Variants in VAPA observed in about 807,000 individuals in gnomAD.
VAPA encodes the protein vesicle-associated membrane protein-associated protein A.
VAPA carries 6 observed loss-of-function variants against 25.6 expected under a neutral mutation model. That is an observed-to-expected ratio of 0.23 (90% confidence interval 0.13 to 0.46). The LOEUF is 0.46. VAPA is among the 20% of genes least tolerant of loss of function. The pLI, the probability that VAPA is intolerant of heterozygous loss-of-function variation, is 0.99. For synonymous variants in VAPA, 112 were observed against 106.2 expected (o/e 1.05, Z -0.34); for missense variants, 244 against 302.1 (o/e 0.81, Z 1.43).
At chr18:9,928,060 T>C (rs1304625502) in intron 1 of VAPA, among the ~76,000 whole-genome samples, 2 of 152,160 alleles carry the variant, frequency 1.3e-5, no homozygotes, top group East Asian at 3.8e-4. Context: ...AATATAAGTT[T>C]CTATCAATAC....
In VAPA at chr18:9,942,557, A is replaced by G. The variant is rs180784407; in HGVS notation, c.417+5491A>G. Among the ~76,000 whole-genome samples the G allele has an allele frequency of 1.5e-3, 233 of 152,292 alleles. 1 individual carries two copies. The highest frequency in any genetic ancestry group is 5.3e-3 in the African/African-American group (220 of 41,546). The stretch of plus-strand genomic sequence containing the variant: ...TCTGTTCTCACATTGCTATAAAGAA[A>G]TACCTGAGACTGGGTAATTTATAAA... On this transcript the variant is annotated intron_variant, in intron 4 of 5. Transcript: ENST00000400000.
chr18:9,935,141 T>C (rs554480288), intron 2 of VAPA, among the ~76,000 whole-genome samples: 2 of 151,356 alleles, frequency 1.3e-5, no homozygotes, highest in African/African-American at 2.4e-5. Context: ...TTATTGAGAC[T>C]GTAGAATAAA....
chr18:9,936,309 A>G, intron 3 of VAPA, 96 bp downstream of exon 3: 1 of 746,938 alleles, frequency 1.3e-6, no homozygotes, highest in Non-Finnish European at 2.0e-6. Flanking sequence ...AAAAACTAAA[A>G]GTTAAATTTA....
At chr18:9,944,342 T>A (rs2069399294) in intron 4 of VAPA, among the ~76,000 whole-genome samples, 1 of 152,140 alleles carries the variant, frequency 6.6e-6, no homozygotes, top group African/African-American at 2.4e-5. Context: ...GGAATCCCTT[T>A]CCCACCTGTT....
intron 1 of VAPA, among the ~76,000 whole-genome samples, chr18:9,926,639 A>AT (rs1431812333): frequency 6.6e-6 from 1 of 152,152 alleles, no homozygotes; most frequent in East Asian, 1.9e-4. Flanking sequence ...TGCTACTCAC[A>AT]TAGTGAGTTT....
chr18:9,930,367 A>AT (rs1355131792), intron 1 of VAPA, among the ~76,000 whole-genome samples: 3 of 152,142 alleles, frequency 2.0e-5, no homozygotes, highest in Admixed American at 2.0e-4. Flanking sequence ...AACATTTTAC[A>AT]TTTTTAAGCG....
chr18:9,933,882 T>C (rs755812166), intron 2 of VAPA, among the ~76,000 whole-genome samples: 1 of 152,204 alleles, frequency 6.6e-6, no homozygotes, highest in Non-Finnish European at 1.5e-5. Context: ...AATAGTTTAT[T>C]GGTACAAACA....
At chr18:9,938,513 T>C (rs1273193906) in intron 4 of VAPA, among the ~76,000 whole-genome samples, 2 of 152,218 alleles carry the variant, frequency 1.3e-5, no homozygotes, top group African/African-American at 2.4e-5. Context: ...GAAAGTAGTT[T>C]TGGGTCTGTT....
At chr18:9,941,084 GA>G (rs1158017459) in intron 4 of VAPA, among the ~76,000 whole-genome samples, 6 of 151,756 alleles carry the variant, frequency 4.0e-5, no homozygotes, top group Non-Finnish European at 8.8e-5. Context: ...AAGGCTCTGA[GA>G]AAACGTAACG....
chr18:9,953,524 A>T (rs1027309109), intron 5 of VAPA, among the ~76,000 whole-genome samples: 2 of 152,168 alleles, frequency 1.3e-5, no homozygotes, highest in Non-Finnish European at 2.9e-5. Flanking sequence ...TACGGCAAGA[A>T]CACCCTTTTG....
In VAPA at chr18:9,931,806, A is replaced by C; in HGVS notation, c.80-4A>C. 1 of 1,604,436 alleles carries C rather than the reference A, an allele frequency of 6.2e-7. No individual in the cohort carries two copies. Among genetic ancestry groups the C allele is most frequent in the Non-Finnish European group, 8.5e-7 (1 of 1,177,138 alleles). ...GTTTTCTCTTTAATTTTTAAACTTT[A>C]CAGGCCCCTTCACAGATGTAGTCAC... is the stretch of plus-strand genomic sequence containing the variant. On this transcript the variant is annotated splice_region_variant and splice_polypyrimidine_tract_variant and intron_variant, in intron 1 of 5. Transcript: ENST00000400000.
Position 9,915,475 on chromosome 18 carries a change from A to T in VAPA, c.79+1140A>T, listed in dbSNP as rs543468120. ...CTTTGTTTTTAAGGAATACTGAAAG[A>T]GTGTGAACATCTAATAGAAAGTAGG... On this transcript the variant is annotated intron_variant, in intron 1 of 5. Transcript: ENST00000400000. 3.3e-5 allele frequency among the ~76,000 whole-genome samples: 5 copies of T among 152,326 alleles called. No homozygotes were observed. In the East Asian group the frequency reaches 7.7e-4, roughly 23 times the overall value.
chr18:9,958,343 T>C lies in VAPA; in HGVS notation c.*4132T>C, dbSNP rs1189831564. 6.6e-6 allele frequency: 1 copy of C among 152,266 alleles called. No individual in the cohort carries two copies. The highest frequency in any genetic ancestry group is 1.5e-5 in the Non-Finnish European group (1 of 68,040). The allele number at this position is 152,266 out of a possible 1,614,324, so 9.4% of individuals were successfully genotyped here. A position where few individuals can be genotyped will look rare whatever the true frequency, so the allele number is the denominator to read the frequency against. On this transcript the variant is annotated 3_prime_UTR_variant, in exon 6 of 6. Transcript: ENST00000400000. Reference sequence around the variant, plus strand: ...CCTCTTGACAATTCCCTTCTAGTTATGCATATCCTCCTGTTGCCACATTTC... The same window carrying C: ...CCTCTTGACAATTCCCTTCTAGTTACGCATATCCTCCTGTTGCCACATTTC...
chr18:9,928,421 C>G (rs529735590), intron 1 of VAPA, among the ~76,000 whole-genome samples: 4 of 152,130 alleles, frequency 2.6e-5, no homozygotes, highest in African/African-American at 4.8e-5. Flanking sequence ...GCAAAGTGCT[C>G]CTTTTACCCT....
chr18:9,936,281 T>C, intron 3 of VAPA, 68 bp downstream of exon 3: 4 of 988,118 alleles, frequency 4.0e-6, no homozygotes, highest in Non-Finnish European at 2.8e-6. Context: ...TAGCAGTCAG[T>C]AGAAAAACTT....
chr18:9,949,880 G>C (rs1247393403), intron 4 of VAPA: 1 of 153,948 alleles, frequency 6.5e-6, no homozygotes, highest in Non-Finnish European at 1.4e-5. Context: ...CATTACTAAA[G>C]ATGACAAATT....
rs934296584 is a variant in VAPA, at chr18:9,959,987, T to C, written c.*5776T>C. 3 of 121,370 alleles carry C rather than the reference T, an allele frequency of 2.5e-5. No homozygotes were observed. Among genetic ancestry groups the C allele is most frequent in the African/African-American group, 5.4e-5 (2 of 36,780 alleles). 7.5% of individuals were successfully genotyped at this position (121,370 alleles called of 1,614,324 possible). On this transcript the variant is annotated 3_prime_UTR_variant, in exon 6 of 6. Coordinates refer to ENST00000400000, the MANE Select transcript of VAPA (RefSeq NM_194434.3). ...AGGATATATTTCACATGAAAACAAATACAAACGAGAATCAAAATAAAGTTT... is the reference window on the plus strand; with the variant it reads ...AGGATATATTTCACATGAAAACAAACACAAACGAGAATCAAAATAAAGTTT...
intron 1 of VAPA, among the ~76,000 whole-genome samples, chr18:9,926,830 C>T (rs1210620619): frequency 6.6e-6 from 1 of 152,128 alleles, no homozygotes; most frequent in Non-Finnish European, 1.5e-5. Context: ...CTATTTAATA[C>T]ATTCTTGAAA....
chr18:9,918,186 C>A (rs111666954), intron 1 of VAPA, among the ~76,000 whole-genome samples: 16 of 152,230 alleles, frequency 1.1e-4, no homozygotes, highest in African/African-American at 3.4e-4. Flanking sequence ...AGACCATGTT[C>A]CATGAGATGT....
Sources: gnomAD v4.1 joint callset for allele counts (sites outside exome capture counted in the v4.1 genomes callset) on GRCh38, gnomAD v4.1.1 for gene constraint, MANE v1.5 for transcripts, NCBI Gene and HGNC (gene_info 2026-07-23, HGNC 2026-07-21) for gene names.